Variants in CNOT4 observed in about 807,000 individuals in gnomAD.
CNOT4 encodes CCR4-NOT transcription complex subunit 4, also known as CCR4-associated factor 4.
Under a neutral mutation model 73.8 loss-of-function variants are expected in CNOT4, and 8 were observed. The observed-to-expected ratio is 0.11, with a 90% CI of 0.06 to 0.20. The LOEUF is 0.20. Among genes scored for constraint, CNOT4 ranks in the 10% least tolerant of loss-of-function variants. The probability of loss-of-function intolerance (pLI) is 1.00; values close to 1 mark genes in which losing one functional copy is unlikely to be tolerated. For synonymous variants in CNOT4, 293 were observed against 321.1 expected (o/e 0.91, Z 0.94); for missense variants, 564 against 883.4 (o/e 0.64, Z 4.58).
At chr7:135,443,828 A>G (rs1799639465) in intron 1 of CNOT4, among the ~76,000 whole-genome samples, 1 of 152,186 alleles carries the variant, frequency 6.6e-6, no homozygotes, top group Admixed American at 6.5e-5. Context: ...TTTTGTGTTT[A>G]GGGTCCTGTT....
At chr7:135,394,558 A>T (rs1328497762) in intron 9 of CNOT4, 143 bp from the exon 10 acceptor site, 1 of 686,544 alleles carries the variant, frequency 1.5e-6, no homozygotes, top group Non-Finnish European at 2.5e-6. Context: ...GCACATTAAG[A>T]TCATATAATT....
chr7:135,476,607 T>C (rs533710699), intron 1 of CNOT4, among the ~76,000 whole-genome samples: 3 of 152,266 alleles, frequency 2.0e-5, no homozygotes, highest in South Asian at 4.2e-4. Context: ...GCCCAGGAGA[T>C]TGAGGCTGCA....
At chr7:135,480,888 CAA>C (rs202103531) in intron 1 of CNOT4, among the ~76,000 whole-genome samples, 23 of 75,776 alleles carry the variant, frequency 3.0e-4, no homozygotes, top group Non-Finnish European at 3.8e-4. Flanking sequence ...TATCTATATG[CAA>C]AAAAAAAAAA....
rs1446836333 is a variant in CNOT4, at chr7:135,362,493, G to A, written c.*392C>T. ...AAATGAACCTGGTTTTCAAACTTCTGCAGTTGATAATGCATTTACTTGAGC... is the reference window on the plus strand; with the variant it reads ...AAATGAACCTGGTTTTCAAACTTCTACAGTTGATAATGCATTTACTTGAGC... On this transcript the variant is annotated 3_prime_UTR_variant, in exon 12 of 12. Transcript: ENST00000541284. The A allele has an allele frequency of 6.1e-6, 2 of 329,096 alleles. No individual in the cohort carries two copies. The highest frequency in any genetic ancestry group is 2.8e-5 in the South Asian group (1 of 35,978). 20.4% of individuals were successfully genotyped at this position (329,096 alleles called of 1,614,324 possible).
At chr7:135,428,846 C>A (rs1045889933) in intron 2 of CNOT4, among the ~76,000 whole-genome samples, 3 of 152,160 alleles carry the variant, frequency 2.0e-5, no homozygotes, top group Admixed American at 2.0e-4. Context: ...TTTAAAAAGT[C>A]TCCCAAGGAG....
chr7:135,394,586 C>A (rs1796579853), intron 9 of CNOT4, among the ~76,000 whole-genome samples, 171 bp from the exon 10 acceptor site: 1 of 152,134 alleles, frequency 6.6e-6, no homozygotes, highest in South Asian at 2.1e-4. Context: ...GCCTTATGTA[C>A]TTCTAGCAGT....
chr7:135,395,558 CTAA>C, intron 9 of CNOT4, 73 bp downstream of exon 9: 1 of 1,454,566 alleles, frequency 6.9e-7, no homozygotes, highest in Non-Finnish European at 9.3e-7. Flanking sequence ...AATATATCCA[CTAA>C]TGAGTTTCAT....
At chr7:135,476,193 C>T (rs868666115) in intron 1 of CNOT4, among the ~76,000 whole-genome samples, 1 of 152,208 alleles carries the variant, frequency 6.6e-6, no homozygotes, top group Middle Eastern at 3.4e-3. Flanking sequence ...ATTTTCCTAA[C>T]CAGTAGGGGC....
chr7:135,461,350 G>A (rs1426240366), intron 1 of CNOT4, among the ~76,000 whole-genome samples: 1 of 152,050 alleles, frequency 6.6e-6, no homozygotes, highest in South Asian at 2.1e-4. Flanking sequence ...TTTTGCTAAT[G>A]TTCATAACTT....
At chr7:135,384,477 G>A in intron 10 of CNOT4, 1 of 517,330 alleles carries the variant, frequency 1.9e-6, no homozygotes, top group South Asian at 2.2e-5. Context: ...AGTAGAGACG[G>A]GGTTTCACCG....
chr7:135,484,384 ATGAC>A (rs1802587120), intron 1 of CNOT4, among the ~76,000 whole-genome samples: 1 of 152,146 alleles, frequency 6.6e-6, no homozygotes, highest in African/African-American at 2.4e-5. Flanking sequence ...TGTAGATGAC[ATGAC>A]TATCTAGAAA....
chr7:135,458,431 G>A (rs1800678239), intron 1 of CNOT4, among the ~76,000 whole-genome samples: 1 of 151,978 alleles, frequency 6.6e-6, no homozygotes, highest in African/African-American at 2.4e-5. Flanking sequence ...AGTAGCTGTA[G>A]CAATTTCTTA....
In CNOT4 at chr7:135,397,215, C is replaced by G. The variant is rs140277544; in HGVS notation, c.879+954G>C. On this transcript the variant is annotated intron_variant, in intron 8 of 11. Transcript: ENST00000541284. ...TCACAGAGAAAAAAATAATGTAAAA[C>G]TTCTGATTGTTAAAGGAGAGCATGT... 5.8e-3 allele frequency among the ~76,000 whole-genome samples: 878 copies of G among 151,888 alleles called. 5 individuals carry two copies. The highest frequency in any genetic ancestry group is 0.01 in the Non-Finnish European group (699 of 67,892).
At chr7:135,507,016 A>G (rs527434018) in intron 1 of CNOT4, among the ~76,000 whole-genome samples, 12 of 152,160 alleles carry the variant, frequency 7.9e-5, no homozygotes, top group African/African-American at 1.9e-4. Context: ...GCTTAAACTG[A>G]TAAGATATTT....
intron 1 of CNOT4, among the ~76,000 whole-genome samples, chr7:135,487,929 C>T (rs1167628737): frequency 6.6e-6 from 1 of 151,954 alleles, no homozygotes; most frequent in Non-Finnish European, 1.5e-5. Flanking sequence ...TGGTGGCGGG[C>T]ACCTGTAGTC....
chr7:135,453,826 T>TATATATATA (rs1800335679), intron 1 of CNOT4, among the ~76,000 whole-genome samples: 2 of 89,902 alleles, frequency 2.2e-5, no homozygotes, highest in East Asian at 8.3e-4. Flanking sequence ...TATATATATT[T>TATATATATA]TATATATATA....
At chr7:135,373,278 A>T (rs1006166777) in intron 10 of CNOT4, among the ~76,000 whole-genome samples, 5 of 152,240 alleles carry the variant, frequency 3.3e-5, no homozygotes, top group Admixed American at 3.3e-4. Flanking sequence ...TGACAGGAGA[A>T]AAGGCAGGGC....
intron 10 of CNOT4, among the ~76,000 whole-genome samples, chr7:135,391,089 A>T (rs910071233): frequency 1.3e-5 from 2 of 152,168 alleles, no homozygotes; most frequent in Non-Finnish European, 2.9e-5. Context: ...AACAGGTGCA[A>T]GTGAGTTACC....
chr7:135,394,165 T>C lies in CNOT4; in HGVS notation c.1380A>G (p.Thr460=). Residue 460 remains threonine (T), a synonymous_variant, in exon 10 of 12, where the codon ACA becomes ACG. Coordinates refer to ENST00000541284, the MANE Select transcript of CNOT4 (RefSeq NM_001190850.2). ...AGGTACTATTGAGAGAATTGGCATTTGTAGCTGCAGCAGGATGCAGGAATC... is the reference window on the plus strand; with the variant it reads ...AGGTACTATTGAGAGAATTGGCATTCGTAGCTGCAGCAGGATGCAGGAATC... ...GSGFLHPAAA[T]NANSLNSTFS... 6.2e-7 allele frequency: 1 copy of C among 1,614,206 alleles called. No individual in the cohort carries two copies. Among genetic ancestry groups the C allele is most frequent in the Non-Finnish European group, 8.5e-7 (1 of 1,180,034 alleles).
Sources: gnomAD v4.1 joint callset for allele counts (sites outside exome capture counted in the v4.1 genomes callset) on GRCh38, gnomAD v4.1.1 for gene constraint, MANE v1.5 for transcripts, NCBI Gene and HGNC (gene_info 2026-07-23, HGNC 2026-07-21) for gene names.